The following CD28 variants were observed in gnomAD, a reference collection of about 807,000 sequenced individuals.
CD28 encodes CD28 molecule.
CD28 carries 8 observed loss-of-function variants against 21.4 expected under a neutral mutation model. That is an observed-to-expected ratio of 0.37 (90% CI 0.22 to 0.68). The LOEUF (loss-of-function observed/expected upper bound fraction) is 0.68. CD28 is among the 30% of genes least tolerant of loss of function. CD28 has a pLI of 0.55. For synonymous variants in CD28, 106 were observed against 104.0 expected (o/e 1.02, Z -0.12); for missense variants, 239 against 272.2 (o/e 0.88, Z 0.86).
At chr2:203,708,371 C>T (rs1693217613) in intron 1 of CD28, among the ~76,000 whole-genome samples, 1 of 152,124 alleles carries the variant, frequency 6.6e-6, no homozygotes, top group Non-Finnish European at 1.5e-5. Flanking sequence ...AAAGGTCAAA[C>T]CTTATTTTTA....
chr2:203,735,635 A>G lies in CD28; in HGVS notation c.*723A>G, dbSNP rs1042020481. 1 of 152,624 alleles carries G rather than the reference A, an allele frequency of 6.6e-6. No homozygotes were observed. Among genetic ancestry groups the G allele is most frequent in the Non-Finnish European group, 1.5e-5 (1 of 68,048 alleles). The allele number at this position is 152,624 out of a possible 1,614,324, so 9.5% of individuals were successfully genotyped here. A position where few individuals can be genotyped will look rare whatever the true frequency, so the allele number is the denominator to read the frequency against. On this transcript the variant is annotated 3_prime_UTR_variant, in exon 4 of 4. Coordinates refer to ENST00000324106, the MANE Select transcript of CD28 (RefSeq NM_006139.4). ...TCATGAGACTTCAGTGTTAATGTTC[A>G]CAATATACTTTCGAAAGAATAAAAT...
intron 1 of CD28, among the ~76,000 whole-genome samples, chr2:203,713,698 A>G (rs1693377521): frequency 1.3e-5 from 2 of 152,108 alleles, no homozygotes; most frequent in African/African-American, 2.4e-5. Flanking sequence ...GAGGAAATAG[A>G]TAAGGTAAAG....
At chr2:203,733,961 G>GTACA (rs1211444263) in intron 3 of CD28, among the ~76,000 whole-genome samples, 2 of 152,166 alleles carry the variant, frequency 1.3e-5, no homozygotes, top group Non-Finnish European at 2.9e-5. Context: ...TGTCATTCAT[G>GTACA]TACAGCATTA....
chr2:203,736,699 C>G lies in CD28; in HGVS notation c.*1787C>G, dbSNP rs1234900802. On this transcript the variant is annotated 3_prime_UTR_variant, in exon 4 of 4. Coordinates refer to ENST00000324106, the MANE Select transcript of CD28 (RefSeq NM_006139.4). ...GTTGAAGGAGCTTAGGTTTTAGAGG[C>G]ACGTAGACTTGGTTCAAGTCTCGTT... The G allele has an allele frequency of 1.3e-5, 2 of 152,170 alleles. No individual in the cohort carries two copies. Among genetic ancestry groups the G allele is most frequent in the African/African-American group, 4.8e-5 (2 of 41,442 alleles). The allele number at this position is 152,170 out of a possible 1,614,324, so 9.4% of individuals were successfully genotyped here. A position where few individuals can be genotyped will look rare whatever the true frequency, so the allele number is the denominator to read the frequency against.
intron 3 of CD28, 25 bp downstream of exon 3, chr2:203,729,797 T>C (rs201703970): frequency 7.5e-6 from 12 of 1,607,500 alleles, no homozygotes; most frequent in African/African-American, 1.3e-5. Context: ...ACTGCTTTTA[T>C]GTAACTTTTC....
chr2:203,731,302 C>T (rs1188494656), intron 3 of CD28, among the ~76,000 whole-genome samples: 1 of 152,226 alleles, frequency 6.6e-6, no homozygotes, highest in Non-Finnish European at 1.5e-5. Context: ...AACTTACCTT[C>T]TAACTTTGAT....
chr2:203,714,029 G>C (rs1464834501), intron 1 of CD28, among the ~76,000 whole-genome samples: 2 of 151,934 alleles, frequency 1.3e-5, no homozygotes, highest in African/African-American at 4.8e-5. Flanking sequence ...TTGTTGCATA[G>C]GAGATGAGTG....
At chr2:203,732,409 G>A (rs906177387) in intron 3 of CD28, among the ~76,000 whole-genome samples, 1 of 152,140 alleles carries the variant, frequency 6.6e-6, no homozygotes, top group Non-Finnish European at 1.5e-5. Context: ...AAAGCTGCCC[G>A]TTTTCCTAAA....
intron 1 of CD28, among the ~76,000 whole-genome samples, chr2:203,713,845 G>A (rs867624594): frequency 7.9e-5 from 6 of 76,184 alleles, no homozygotes; most frequent in African/African-American, 1.9e-4. Context: ...GAGAGAGAGA[G>A]AGAGAGGGAG....
chr2:203,707,337 G>A (rs1289628493), intron 1 of CD28, among the ~76,000 whole-genome samples: 1 of 152,028 alleles, frequency 6.6e-6, no homozygotes, highest in African/African-American at 2.4e-5. Context: ...TTCCTTAACT[G>A]TAAAGTGGGA....
At chr2:203,731,807 G>A (rs1257867193) in intron 3 of CD28, among the ~76,000 whole-genome samples, 1 of 152,020 alleles carries the variant, frequency 6.6e-6, no homozygotes, top group Non-Finnish European at 1.5e-5. Flanking sequence ...ATCTTGCTTT[G>A]TTTTAAAAAA....
At position 203,726,625 on chromosome 2, in the gene CD28, T is replaced by G; in HGVS notation, c.53-8T>G. On this transcript the variant is annotated splice_region_variant and splice_polypyrimidine_tract_variant and intron_variant, in intron 1 of 3. Coordinates refer to ENST00000324106, the MANE Select transcript of CD28 (RefSeq NM_006139.4). ...TTGTTCTAAGCAAATGATTTTTTTT[T>G]CCCCCAGGAAACAAGATTTTGGTGA... is the stretch of plus-strand genomic sequence containing the variant. 2 of 1,587,354 alleles carry G rather than the reference T, an allele frequency of 1.3e-6. No homozygotes were observed. Among genetic ancestry groups the G allele is most frequent in the South Asian group, 1.1e-5 (1 of 88,758 alleles).
At chr2:203,728,970 G>T (rs1204697974) in intron 2 of CD28, among the ~76,000 whole-genome samples, 3 of 152,180 alleles carry the variant, frequency 2.0e-5, no homozygotes. Context: ...TGAGGAAGGG[G>T]TGCTGGACAT....
chr2:203,729,919 G>A, intron 3 of CD28, 147 bp downstream of exon 3: 1 of 826,602 alleles, frequency 1.2e-6, no homozygotes, highest in Non-Finnish European at 1.9e-6. Flanking sequence ...TTCTCTTTTA[G>A]CTTGTTCAAC....
chr2:203,734,803 G>A lies in CD28; in HGVS notation c.554G>A (p.Arg185Lys). The A allele has an allele frequency of 6.2e-7, 1 of 1,614,176 alleles. No homozygotes were observed. Among genetic ancestry groups the A allele is most frequent in the Non-Finnish European group, 8.5e-7 (1 of 1,180,016 alleles). ...IIFWVRSKRS[R>K]LLHSDYMNMT... ...CTGCAGGTGAGGAGTAAGAGGAGCAGGCTCCTGCACAGTGACTACATGAAC... is the reference window on the plus strand; with the variant it reads ...CTGCAGGTGAGGAGTAAGAGGAGCAAGCTCCTGCACAGTGACTACATGAAC... The change falls in exon 4 of 4, where the codon AGG (arginine) becomes AAG (lysine). Residue 185 changes from arginine (R) to lysine (K), a missense_variant. By Grantham distance (26) the Arg-to-Lys change is conservative. Around this residue, in one of 3 missense-constraint regions of CD28, gnomAD observed 112 missense variants for 112.8 expected, o/e 0.99. Coordinates refer to ENST00000324106, the MANE Select transcript of CD28 (RefSeq NM_006139.4).
At chr2:203,707,381 G>T (rs1340582641) in intron 1 of CD28, among the ~76,000 whole-genome samples, 2 of 151,962 alleles carry the variant, frequency 1.3e-5, no homozygotes. Flanking sequence ...GTCATTGTGA[G>T]GTAAAATGAA....
At chr2:203,732,002 T>A (rs1219757241) in intron 3 of CD28, among the ~76,000 whole-genome samples, 1 of 152,184 alleles carries the variant, frequency 6.6e-6, no homozygotes, top group African/African-American at 2.4e-5. Context: ...TTTCGTAGAA[T>A]AACATAGTAT....
chr2:203,735,511 GATC>G lies in CD28; in HGVS notation c.*602_*604del. 1 of 152,716 alleles carries G rather than the reference GATC, an allele frequency of 6.5e-6. No homozygotes were observed. Among genetic ancestry groups the G allele is most frequent in the South Asian group, 2.1e-4 (1 of 4,834 alleles). The allele number at this position is 152,716 out of a possible 1,614,324, so 9.5% of individuals were successfully genotyped here. ...ATAGACATTGTCTTTTATGAATTCT[GATC>G]ATATTTAGTCATTTTGACCAAATGA... On this transcript the variant is annotated 3_prime_UTR_variant, in exon 4 of 4. Coordinates refer to ENST00000324106, the MANE Select transcript of CD28 (RefSeq NM_006139.4).
Position 203,726,616 on chromosome 2 carries a change from ATT to A in CD28, c.53-9_53-8del. 1 of 1,557,982 alleles carries A rather than the reference ATT, an allele frequency of 6.4e-7. No homozygotes were observed. Among genetic ancestry groups the A allele is most frequent in the Non-Finnish European group, 8.8e-7 (1 of 1,138,884 alleles). ...CTTATATTCTTGTTCTAAGCAAATG[ATT>A]TTTTTTTCCCCCAGGAAACAAGATT... is the stretch of plus-strand genomic sequence containing the variant. On this transcript the variant is annotated splice_polypyrimidine_tract_variant and intron_variant, in intron 1 of 3. Transcript: ENST00000324106.
Sources: allele counts gnomAD v4.1 joint callset (sites outside exome capture counted in the v4.1 genomes callset), GRCh38; gene constraint gnomAD v4.1.1; regional missense constraint gnomAD v4.1.1; transcripts MANE v1.5; gene names NCBI Gene and HGNC (gene_info 2026-07-23, HGNC 2026-07-21).